Variants in THSD7B observed in about 807,000 individuals in gnomAD.
The protein encoded by THSD7B is thrombospondin type 1 domain containing 7B.
Under a neutral mutation model 213.6 loss-of-function variants are expected in THSD7B, and 138 were observed. The ratio of observed to expected loss-of-function variants is 0.65; its 90% CI spans 0.56 to 0.74. THSD7B has a LOEUF of 0.74. Ranked by LOEUF, THSD7B falls within the 30% of genes least tolerant of loss-of-function variation. The pLI is 0.00. For synonymous variants in THSD7B, 742 were observed against 687.0 expected (o/e 1.08, Z -1.25); for missense variants, 1,931 against 1,991.5 (o/e 0.97, Z 0.58).
chr2:136,770,250 T>C (rs922160921), intron 1 of THSD7B, among the ~76,000 whole-genome samples: 1 of 152,178 alleles, frequency 6.6e-6, no homozygotes. Flanking sequence ...AAGCATACCA[T>C]GTAGTATGCA....
chr2:137,039,814 T>C (rs556411190), intron 2 of THSD7B, among the ~76,000 whole-genome samples: 26 of 152,352 alleles, frequency 1.7e-4, no homozygotes, highest in African/African-American at 6.3e-4. Flanking sequence ...TTTACTGCCA[T>C]TGACTCTTTG....
At chr2:137,557,575 G>A (rs1306832813) in intron 15 of THSD7B, among the ~76,000 whole-genome samples, 1 of 151,848 alleles carries the variant, frequency 6.6e-6, no homozygotes, top group Non-Finnish European at 1.5e-5. Context: ...GTGTGTAGAG[G>A]GAAATATATA....
chr2:136,949,871 A>G (rs1685004740), intron 2 of THSD7B, among the ~76,000 whole-genome samples: 2 of 152,226 alleles, frequency 1.3e-5, no homozygotes, highest in African/African-American at 4.8e-5. Context: ...ATTGTACTGT[A>G]AAAACACGTG....
intron 15 of THSD7B, among the ~76,000 whole-genome samples, chr2:137,530,714 G>A (rs935936702): frequency 2.0e-5 from 3 of 151,922 alleles, no homozygotes; most frequent in East Asian, 1.9e-4. Context: ...CTTGAATGCC[G>A]AAGCAGAACT....
intron 21 of THSD7B, among the ~76,000 whole-genome samples, chr2:137,645,738 C>G (rs1050594858): frequency 6.6e-6 from 1 of 151,606 alleles, no homozygotes; most frequent in Admixed American, 6.6e-5. Context: ...TCAGTACTTT[C>G]AAAACTTTCA....
intron 15 of THSD7B, among the ~76,000 whole-genome samples, chr2:137,477,921 G>A (rs948437922): frequency 1.3e-5 from 2 of 151,194 alleles, no homozygotes; most frequent in Non-Finnish European, 2.9e-5. Flanking sequence ...ATTCTTTCTT[G>A]CCCTGTAAGG....
intron 20 of THSD7B, among the ~76,000 whole-genome samples, chr2:137,635,866 C>T (rs1047429583): frequency 6.6e-6 from 1 of 151,976 alleles, no homozygotes; most frequent in Non-Finnish European, 1.5e-5. Flanking sequence ...ACCATATCTG[C>T]TAATTTTTGT....
At chr2:137,581,285 T>G (rs1426587909) in intron 17 of THSD7B, among the ~76,000 whole-genome samples, 1 of 152,198 alleles carries the variant, frequency 6.6e-6, no homozygotes, top group Non-Finnish European at 1.5e-5. Flanking sequence ...ATTCTTAAAT[T>G]AAACTTTAAT....
chr2:137,204,337 G>T (rs534500999), intron 7 of THSD7B, among the ~76,000 whole-genome samples: 1 of 152,210 alleles, frequency 6.6e-6, no homozygotes, highest in African/African-American at 2.4e-5. Context: ...TTGAGAATGC[G>T]TAGTTATGGT....
chr2:137,441,102 A>G (rs1687399749), intron 14 of THSD7B, among the ~76,000 whole-genome samples: 1 of 152,148 alleles, frequency 6.6e-6, no homozygotes, highest in Non-Finnish European at 1.5e-5. Flanking sequence ...GTAATATCCT[A>G]TCATGTTTCA....
intron 9 of THSD7B, among the ~76,000 whole-genome samples, chr2:137,237,187 A>C (rs1173668354): frequency 6.6e-6 from 1 of 152,014 alleles, no homozygotes; most frequent in African/African-American, 2.4e-5. Context: ...ATTCCAGTGC[A>C]AGTCCAGGAA....
In THSD7B at chr2:137,248,016, T is replaced by C. The variant is rs1043808712; in HGVS notation, c.2266+5444T>C. Among the ~76,000 whole-genome samples the C allele has an allele frequency of 3.9e-5, 6 of 152,098 alleles. 1 individual carries two copies. In the South Asian group the frequency reaches 8.3e-4, roughly 21 times the overall value. ...TTATTTTTATTTAATCTCAACCCCA[T>C]TGAGTTTTTTCAATCCACAGATGTC... On this transcript the variant is annotated intron_variant, in intron 10 of 27. Coordinates refer to ENST00000409968, the MANE Select transcript of THSD7B (RefSeq NM_001316349.2).
chr2:136,993,189 G>A (rs191772296), intron 2 of THSD7B, among the ~76,000 whole-genome samples: 30 of 152,308 alleles, frequency 2.0e-4, no homozygotes, highest in Non-Finnish European at 2.8e-4. Context: ...GGATGTATAT[G>A]AGAACAAATC....
At chr2:136,979,875 A>C (rs1342016893) in intron 2 of THSD7B, among the ~76,000 whole-genome samples, 2 of 151,898 alleles carry the variant, frequency 1.3e-5, no homozygotes, top group Non-Finnish European at 2.9e-5. Flanking sequence ...GCGTGTTTGC[A>C]TTGATTTTTT....
chr2:137,404,452 TATATATATATATATATATATATAC>T (rs1686450670), intron 12 of THSD7B, among the ~76,000 whole-genome samples: 2 of 104,644 alleles, frequency 1.9e-5, no homozygotes, highest in African/African-American at 4.0e-5. Context: ...TATATATATA[TATATATATATATATATATATATAC>T]ACACACACAC....
chr2:136,959,899 A>C (rs1685188032), intron 2 of THSD7B, among the ~76,000 whole-genome samples: 1 of 152,198 alleles, frequency 6.6e-6, no homozygotes, highest in Admixed American at 6.5e-5. Context: ...GTTGAGGAAA[A>C]GGACCAGGAC....
At chr2:137,150,688 A>G (rs961004914) in intron 5 of THSD7B, among the ~76,000 whole-genome samples, 8 of 152,266 alleles carry the variant, frequency 5.3e-5, no homozygotes, top group Non-Finnish European at 1.2e-4. Context: ...ATGGACTAAT[A>G]CAGGGCTTAA....
At chr2:137,082,975 A>G (rs1323878863) in intron 3 of THSD7B, among the ~76,000 whole-genome samples, 2 of 152,120 alleles carry the variant, frequency 1.3e-5, no homozygotes, top group East Asian at 1.9e-4. Flanking sequence ...CTATATCTGT[A>G]GAACAATCTC....
At chr2:137,353,742 G>T (rs1685065408) in intron 12 of THSD7B, among the ~76,000 whole-genome samples, 4 of 151,986 alleles carry the variant, frequency 2.6e-5, no homozygotes, top group Admixed American at 2.0e-4. Flanking sequence ...TACCTATTCT[G>T]CCAAGTATAA....
Sources: allele counts gnomAD v4.1 joint callset (sites outside exome capture counted in the v4.1 genomes callset), GRCh38; gene constraint gnomAD v4.1.1; transcripts MANE v1.5; gene names NCBI Gene and HGNC (gene_info 2026-07-23, HGNC 2026-07-21).